ACTR2: variants seen among roughly 807,000 people sequenced by gnomAD.
The protein encoded by ACTR2 is actin-related protein 2.
Under a neutral mutation model 50.2 loss-of-function variants are expected in ACTR2, and 5 were observed. The observed-to-expected ratio is 0.10, with a 90% confidence interval of 0.05 to 0.21. The LOEUF (loss-of-function observed/expected upper bound fraction) is 0.21, where lower values mean the gene tolerates loss of function less well. ACTR2 is among the 10% of genes least tolerant of loss of function. The pLI, the probability that ACTR2 is intolerant of heterozygous loss-of-function variation, is 1.00. For synonymous variants in ACTR2, 140 were observed against 162.9 expected, an observed-to-expected ratio of 0.86 and a Z score of 1.07; for missense variants, 180 against 480.6, an observed-to-expected ratio of 0.37 and a Z score of 5.85.
intron 3 of ACTR2, among the ~76,000 whole-genome samples, chr2:65,247,103 T>G (rs1354233208): frequency 6.6e-6 from 1 of 152,068 alleles, no homozygotes; most frequent in Non-Finnish European, 1.5e-5. Flanking sequence ...TGTTAGAAGG[T>G]GAGTGATCCA....
Position 65,255,674 on chromosome 2 carries a change from G to A in ACTR2, c.715G>A (p.Val239Ile), listed in dbSNP as rs772400650. The change falls in exon 6 of 9, where the codon GTA (valine) becomes ATA (isoleucine). Residue 239 changes from valine to isoleucine, a missense_variant. Coordinates refer to ENST00000260641, the MANE Select transcript of ACTR2 (RefSeq NM_005722.4). ...QEQKLALETTVLVESYTLPDG... is the reference protein window; with the variant it reads ...QEQKLALETTILVESYTLPDG... ...GCAGAAACTGGCCTTAGAAACCACA[G>A]TATTAGTTGAATCTTATACAGTAAG... The A allele has an allele frequency of 3.7e-6, 6 of 1,613,820 alleles. No individual in the cohort carries two copies. The highest frequency in any genetic ancestry group is 4.2e-6 in the Non-Finnish European group (5 of 1,179,768).
chr2:65,267,961 C>T (rs886197879), intron 8 of ACTR2, among the ~76,000 whole-genome samples: 2 of 145,360 alleles, frequency 1.4e-5, no homozygotes, highest in Non-Finnish European at 3.0e-5. Flanking sequence ...CTCAGCCTCC[C>T]GAGTAGCTGG....
intron 2 of ACTR2, among the ~76,000 whole-genome samples, chr2:65,241,485 G>T (rs1429320681): frequency 6.6e-6 from 1 of 152,142 alleles, no homozygotes; most frequent in Non-Finnish European, 1.5e-5. Context: ...GCATTTGCTT[G>T]TATGGTTTGT....
intron 1 of ACTR2, among the ~76,000 whole-genome samples, chr2:65,236,359 A>C (rs1250492188): frequency 1.3e-5 from 2 of 151,726 alleles, no homozygotes; most frequent in Admixed American, 6.6e-5. Flanking sequence ...AAGACAAGTG[A>C]AATTCTGGAT....
chr2:65,263,986 C>T (rs1241297913), intron 7 of ACTR2, among the ~76,000 whole-genome samples: 2 of 151,936 alleles, frequency 1.3e-5, no homozygotes, highest in South Asian at 2.1e-4. Context: ...ACCTGGGAGG[C>T]GGAGGTTGCA....
At chr2:65,235,983 C>T (rs1671732112) in intron 1 of ACTR2, among the ~76,000 whole-genome samples, 1 of 152,104 alleles carries the variant, frequency 6.6e-6, no homozygotes, top group Non-Finnish European at 1.5e-5. Flanking sequence ...GAACTTTCCT[C>T]ATTTCAGACG....
intron 6 of ACTR2, among the ~76,000 whole-genome samples, chr2:65,255,937 C>T (rs980621331): frequency 1.3e-5 from 2 of 152,028 alleles, no homozygotes; most frequent in Non-Finnish European, 2.9e-5. Flanking sequence ...TAATTAGATG[C>T]GAGATGTTAT....
intron 1 of ACTR2, among the ~76,000 whole-genome samples, chr2:65,237,513 A>C (rs899574410): frequency 6.6e-6 from 1 of 152,092 alleles, no homozygotes; most frequent in Non-Finnish European, 1.5e-5. Context: ...AAGTGCTGGA[A>C]TTACAGGTGT....
At chr2:65,243,960 T>A (rs1443218129) in intron 2 of ACTR2, among the ~76,000 whole-genome samples, 8 of 152,294 alleles carry the variant, frequency 5.3e-5, no homozygotes, top group South Asian at 2.1e-4. Flanking sequence ...AGGATTTTTT[T>A]ATTAAAATTT....
intron 1 of ACTR2, among the ~76,000 whole-genome samples, chr2:65,237,667 A>C (rs944001497): frequency 1.3e-5 from 2 of 152,162 alleles, no homozygotes; most frequent in East Asian, 1.9e-4. Flanking sequence ...CCCGTGCAAC[A>C]TAGTGAGACC....
intron 4 of ACTR2, among the ~76,000 whole-genome samples, chr2:65,251,384 A>G (rs2104003533): frequency 6.6e-6 from 1 of 152,170 alleles, no homozygotes; most frequent in African/African-American, 2.4e-5. Flanking sequence ...TTTTTGAGAC[A>G]GATTTTCGCT....
intron 1 of ACTR2, among the ~76,000 whole-genome samples, chr2:65,233,818 C>T (rs1671683481): frequency 6.6e-6 from 1 of 152,014 alleles, no homozygotes; most frequent in African/African-American, 2.4e-5. Context: ...ACCATATTGG[C>T]CAGGCTGGTT....
At chr2:65,267,927 C>G (rs61452818) in intron 8 of ACTR2, among the ~76,000 whole-genome samples, 1 of 136,106 alleles carries the variant, frequency 7.3e-6, no homozygotes, top group Non-Finnish European at 1.6e-5. Flanking sequence ...AGCTCCACCT[C>G]CCAGGTTTAC....
Position 65,253,708 on chromosome 2 carries a change from TC to T in ACTR2, c.449-15del. The T allele has an allele frequency of 6.2e-7, 1 of 1,603,084 alleles. No individual in the cohort carries two copies. Among genetic ancestry groups the T allele is most frequent in the Admixed American group, 1.7e-5 (1 of 57,674 alleles). The stretch of plus-strand genomic sequence containing the variant: ...TTCCTGATTTGACTTTTTATTTAAA[TC>T]CCCCTGGCTTTTATGCAGGTTTATT... On this transcript the variant is annotated intron_variant, in intron 4 of 8. Coordinates refer to ENST00000260641, the MANE Select transcript of ACTR2 (RefSeq NM_005722.4).
intron 6 of ACTR2, among the ~76,000 whole-genome samples, chr2:65,256,874 TAAAAAAAAA>T (rs57631144): frequency 7.4e-6 from 1 of 134,276 alleles, no homozygotes; most frequent in Non-Finnish European, 1.6e-5. Context: ...TCCATGTCGG[TAAAAAAAAA>T]AAAAAAAAAA....
At chr2:65,237,685 T>C (rs1475144485) in intron 1 of ACTR2, among the ~76,000 whole-genome samples, 2 of 152,024 alleles carry the variant, frequency 1.3e-5, no homozygotes, top group African/African-American at 4.8e-5. Context: ...ACCCCATCTC[T>C]ACAAAAAATT....
chr2:65,267,862 C>CTTTTTTTTTTTTTTTTTTTTTTTTTT lies in ACTR2; in HGVS notation c.1015-699_1015-674dup, dbSNP rs70943640. 4.4e-4 allele frequency among the ~76,000 whole-genome samples: 21 copies of CTTTTTTTTTTTTTTTTTTTTTTTTTT among 47,412 alleles called. 6 individuals are homozygous for CTTTTTTTTTTTTTTTTTTTTTTTTTT. Among genetic ancestry groups the CTTTTTTTTTTTTTTTTTTTTTTTTTT allele is most frequent in the Non-Finnish European group, 8.0e-4 (21 of 26,196 alleles). The allele number at this position is 47,412 out of a possible 152,430, so 31.1% of individuals were successfully genotyped here. On this transcript the variant is annotated intron_variant, in intron 8 of 8. Coordinates refer to ENST00000260641, the MANE Select transcript of ACTR2 (RefSeq NM_005722.4). ...ACCTTGAAGAAGTCATGCAAGTCCT[C>CTTTTTTTTTTTTTTTTTTTTTTTTTT]TTTTTTTTTTTTTTTTTTTTTTTTT...
chr2:65,251,451 TC>T (rs748722618), intron 4 of ACTR2, among the ~76,000 whole-genome samples: 34 of 152,318 alleles, frequency 2.2e-4, no homozygotes, highest in Non-Finnish European at 3.4e-4. Context: ...AACCTCCACC[TC>T]CTGGGTTCAA....
At chr2:65,254,243 A>G (rs1369733035) in intron 5 of ACTR2, among the ~76,000 whole-genome samples, 1 of 152,174 alleles carries the variant, frequency 6.6e-6, no homozygotes, top group Non-Finnish European at 1.5e-5. Context: ...TTCTTTGAGC[A>G]GGTATGTTTT....
Sources: gnomAD v4.1 joint callset for allele counts (sites outside exome capture counted in the v4.1 genomes callset) on GRCh38, gnomAD v4.1.1 for gene constraint, MANE v1.5 for transcripts, NCBI Gene and HGNC (gene_info 2026-07-23, HGNC 2026-07-21) for gene names.